PTPRN2: variants seen among roughly 807,000 people sequenced by gnomAD.
PTPRN2 encodes receptor-type tyrosine-protein phosphatase N2.
A neutral mutation model predicts 118.8 loss-of-function variants in PTPRN2; 74 were observed. The ratio of observed to expected loss-of-function variants is 0.62; its 90% CI spans 0.52 to 0.76. The LOEUF is 0.76. Among genes scored for constraint, PTPRN2 ranks in the 30% least tolerant of loss-of-function variants. PTPRN2 has a pLI of 0.00. For synonymous variants in PTPRN2, 641 were observed against 608.0 expected (o/e 1.05, Z -0.80); for missense variants, 1,481 against 1,394.4 (o/e 1.06, Z -0.99).
intron 2 of PTPRN2, among the ~76,000 whole-genome samples, chr7:158,430,064 C>T (rs1255443203): frequency 6.6e-6 from 1 of 152,080 alleles, no homozygotes; most frequent in African/African-American, 2.4e-5. Flanking sequence ...CACGCTACCA[C>T]GCCCAGCTAA....
intron 2 of PTPRN2, among the ~76,000 whole-genome samples, chr7:158,477,230 G>A (rs996591155): frequency 1.3e-5 from 2 of 152,110 alleles, no homozygotes; most frequent in South Asian, 2.1e-4. Flanking sequence ...TAGATGGTCC[G>A]GTTCATTACT....
chr7:158,492,690 ACTG>A (rs1482666756), intron 1 of PTPRN2, among the ~76,000 whole-genome samples: 3 of 152,252 alleles, frequency 2.0e-5, no homozygotes, highest in Non-Finnish European at 2.9e-5. Flanking sequence ...TGCTAATTTG[ACTG>A]CTAAGTTATT....
intron 6 of PTPRN2, among the ~76,000 whole-genome samples, chr7:158,143,124 CT>C (rs1194410407): frequency 6.6e-6 from 1 of 152,200 alleles, no homozygotes. Flanking sequence ...ACAGTCTTAT[CT>C]CGCTCGTCCA....
chr7:158,065,926 G>A (rs1339360012), intron 11 of PTPRN2, among the ~76,000 whole-genome samples: 1 of 152,138 alleles, frequency 6.6e-6, no homozygotes, highest in African/African-American at 2.4e-5. Context: ...TTTTTAAAAG[G>A]GAAGAGGTGG....
In PTPRN2 at chr7:158,565,314, G is replaced by C. The variant is rs1177557536; in HGVS notation, c.112+22244C>G. On this transcript the variant is annotated intron_variant, in intron 1 of 22. Transcript: ENST00000389418. This position sits in a 1 kb window ranked among gnomAD's most constrained non-coding sequence, Gnocchi z 4.6. ...CTTTTAAATACAACCACACCAAAGG[G>C]AACTTTGCAAATTACCGGGAACTTT... is the stretch of plus-strand genomic sequence containing the variant. 1.3e-5 allele frequency among the ~76,000 whole-genome samples: 2 copies of C among 152,022 alleles called. No individual in the cohort carries two copies. Among genetic ancestry groups the C allele is most frequent in the African/African-American group, 4.8e-5 (2 of 41,392 alleles).
intron 3 of PTPRN2, among the ~76,000 whole-genome samples, chr7:158,311,810 C>G (rs1389305707): frequency 6.6e-6 from 1 of 152,190 alleles, no homozygotes; most frequent in African/African-American, 2.4e-5. Flanking sequence ...AACATGCTCA[C>G]GTGTAGACAC....
intron 11 of PTPRN2, among the ~76,000 whole-genome samples, chr7:158,053,812 G>T (rs112374765): frequency 0.049 from 5,579 of 113,168 alleles, 416 homozygotes; most frequent in African/African-American, 0.12. Flanking sequence ...ACTCCAGAGA[G>T]GCAGAGACCC....
chr7:158,078,497 T>C (rs1812549490), intron 11 of PTPRN2, among the ~76,000 whole-genome samples: 1 of 152,232 alleles, frequency 6.6e-6, no homozygotes, highest in East Asian at 1.9e-4. Context: ...ACATCATCTT[T>C]TAAAACACAA....
At position 157,831,367 on chromosome 7, in the gene PTPRN2, G is replaced by T. The variant is rs113718852; in HGVS notation, c.1788+67306C>A. On this transcript the variant is annotated intron_variant, in intron 12 of 22. Transcript: ENST00000389418. This position sits in a 1 kb window ranked among gnomAD's most constrained non-coding sequence, Gnocchi z 4.8. ...TATCCTGTAGTCTAAGCCTTCTCTC[G>T]TTGGGGTTTTCTGTTATTTCTTCCC... Among the ~76,000 whole-genome samples the T allele has an allele frequency of 0.02, 3,025 of 152,318 alleles. 98 individuals carry two copies. The highest frequency in any genetic ancestry group is 0.12 in the South Asian group (560 of 4,822).
intron 11 of PTPRN2, among the ~76,000 whole-genome samples, chr7:158,065,125 C>T (rs1005551417): frequency 6.6e-6 from 1 of 152,190 alleles, no homozygotes; most frequent in Non-Finnish European, 1.5e-5. Context: ...ATTGCCGACT[C>T]GGGACGAGAG....
intron 6 of PTPRN2, among the ~76,000 whole-genome samples, chr7:158,142,594 G>A (rs548044044): frequency 6.6e-6 from 1 of 152,118 alleles, no homozygotes; most frequent in African/African-American, 2.4e-5. Context: ...CTTGAGCCTT[G>A]GAGGGGAGGG....
At chr7:158,077,749 A>G (rs944646502) in intron 11 of PTPRN2, among the ~76,000 whole-genome samples, 1 of 152,228 alleles carries the variant, frequency 6.6e-6, no homozygotes, top group Non-Finnish European at 1.5e-5. Flanking sequence ...GCAGACTGGG[A>G]GCCAGCAAAA....
chr7:157,581,061 A>G (rs1251582341), intron 17 of PTPRN2, among the ~76,000 whole-genome samples: 1 of 112,854 alleles, frequency 8.9e-6, no homozygotes, highest in African/African-American at 3.6e-5. Context: ...CCCCCTGCAC[A>G]CCCCAGCACC....
At chr7:158,048,208 T>C (rs1476818691) in intron 11 of PTPRN2, among the ~76,000 whole-genome samples, 2 of 152,118 alleles carry the variant, frequency 1.3e-5, no homozygotes, top group Non-Finnish European at 2.9e-5. Context: ...TCATAAAATA[T>C]TGGGGAAATG....
At chr7:157,684,479 G>C (rs888924326) in intron 12 of PTPRN2, among the ~76,000 whole-genome samples, 2 of 151,528 alleles carry the variant, frequency 1.3e-5, no homozygotes, top group African/African-American at 4.9e-5. Context: ...GGAACCAGGG[G>C]AGCGGCCCGA....
At chr7:158,129,673 G>T (rs1360453240) in intron 9 of PTPRN2, among the ~76,000 whole-genome samples, 1 of 152,166 alleles carries the variant, frequency 6.6e-6, no homozygotes, top group Non-Finnish European at 1.5e-5. Flanking sequence ...ACAGCACAGG[G>T]CGTTTGACCA....
intron 1 of PTPRN2, among the ~76,000 whole-genome samples, chr7:158,535,569 G>A (rs966543968): frequency 6.6e-6 from 1 of 152,044 alleles, no homozygotes; most frequent in African/African-American, 2.4e-5. Context: ...GGCTTTCTCT[G>A]GGGTCAGACC....
intron 12 of PTPRN2, among the ~76,000 whole-genome samples, chr7:157,824,289 C>T (rs984848957): frequency 5.3e-5 from 8 of 152,158 alleles, no homozygotes; most frequent in African/African-American, 1.9e-4. Flanking sequence ...CCTCCTAGGG[C>T]AGGGGGCGAG....
intron 12 of PTPRN2, among the ~76,000 whole-genome samples, chr7:157,802,201 C>T (rs899141998): frequency 2.0e-5 from 3 of 152,232 alleles, no homozygotes; most frequent in Admixed American, 6.5e-5. Flanking sequence ...GAGGCCGCGT[C>T]GCTGAAACCT....
Sources: gnomAD v4.1 joint callset for allele counts (sites outside exome capture counted in the v4.1 genomes callset) on GRCh38, gnomAD v4.1.1 for gene constraint, Gnocchi (gnomAD v3.1) non-coding constraint, MANE v1.5 for transcripts, NCBI Gene and HGNC (gene_info 2026-07-23, HGNC 2026-07-21) for gene names.